MLLT1: variants seen among roughly 807,000 people sequenced by gnomAD.
The protein encoded by MLLT1 is MLLT1 super elongation complex subunit.
Under a neutral mutation model 55.1 loss-of-function variants are expected in MLLT1, and 11 were observed. The observed-to-expected ratio is 0.20, with a 90% CI of 0.13 to 0.33. The LOEUF (loss-of-function observed/expected upper bound fraction) is 0.33, where lower values mean the gene tolerates loss of function less well. Among genes scored for constraint, MLLT1 ranks in the 10% least tolerant of loss-of-function variants. MLLT1 has a pLI of 1.00. For synonymous variants in MLLT1, 323 were observed against 320.1 expected (o/e 1.01, Z -0.10); for missense variants, 536 against 760.6 (o/e 0.70, Z 3.47).
rs556874964 is a variant in MLLT1, at chr19:6,273,103, G to A, written c.13-2344C>T. Among the ~76,000 whole-genome samples the A allele has an allele frequency of 5.9e-5, 9 of 152,170 alleles. No homozygotes were observed. Among genetic ancestry groups the A allele is most frequent in the East Asian group, 1.9e-4 (1 of 5,170 alleles). ...TGCAGGGGGTGCCTGGGATCAGGCC[G>A]GAGACAAAAGAAATAACCCGTCGTC... On this transcript the variant is annotated intron_variant, in intron 1 of 11. Transcript: ENST00000252674. The surrounding 1 kb of genome is among the most constrained non-coding windows in gnomAD (Gnocchi z 4.3).
In MLLT1 at chr19:6,229,417, T is replaced by A. The variant is rs147561517; in HGVS notation, c.420+1153A>T. Among the ~76,000 whole-genome samples, 2,703 of 151,802 alleles carry A rather than the reference T, an allele frequency of 0.018. 38 individuals are homozygous for A. Among genetic ancestry groups the A allele is most frequent in the Middle Eastern group, 0.051 (15 of 294 alleles). On this transcript the variant is annotated intron_variant, in intron 4 of 11. Transcript: ENST00000252674. This position sits in a 1 kb window ranked among gnomAD's most constrained non-coding sequence, Gnocchi z 5.2. Reference sequence around the variant, plus strand: ...CCACCAAGGACCTGACCATGCCCCATGAGGAGGAAGGAGGACTCCCCAGCC... The same window carrying A: ...CCACCAAGGACCTGACCATGCCCCAAGAGGAGGAAGGAGGACTCCCCAGCC...
intron 3 of MLLT1, among the ~76,000 whole-genome samples, chr19:6,261,028 C>T (rs2091300296): frequency 6.6e-6 from 1 of 152,224 alleles, no homozygotes; most frequent in Admixed American, 6.5e-5. Flanking sequence ...GAGCAATCCC[C>T]TCAACCGCCC....
intron 5 of MLLT1, among the ~76,000 whole-genome samples, chr19:6,224,552 C>G (rs117908750): frequency 0.017 from 2,659 of 152,346 alleles, 39 homozygotes; most frequent in Middle Eastern, 0.051. Context: ...AGAGCAAACT[C>G]CAAAGGCACG....
intron 3 of MLLT1, among the ~76,000 whole-genome samples, chr19:6,241,345 C>T (rs1337234789): frequency 6.6e-6 from 1 of 152,254 alleles, no homozygotes. Flanking sequence ...CCCTAGCACC[C>T]CCGCTGGACA....
rs1245759049 is a variant in MLLT1 at position 6,235,932 on chromosome 19, T to C, written c.277-5219A>G. Among the ~76,000 whole-genome samples the C allele has an allele frequency of 6.7e-5, 10 of 149,762 alleles. No individual in the cohort carries two copies. Among genetic ancestry groups the C allele is most frequent in the Admixed American group, 6.6e-4 (10 of 15,084 alleles). ...TCCCCAGGCACAGAGCACAGCTCACTCTCTGCCAGCTCTCCTTACAGTCCA... is the reference window on the plus strand; with the variant it reads ...TCCCCAGGCACAGAGCACAGCTCACCCTCTGCCAGCTCTCCTTACAGTCCA... On this transcript the variant is annotated intron_variant, in intron 3 of 11. Coordinates refer to ENST00000252674, the MANE Select transcript of MLLT1 (RefSeq NM_005934.4). This position sits in a 1 kb window ranked among gnomAD's most constrained non-coding sequence, Gnocchi z 5.5.
chr19:6,275,920 G>A (rs2091425585), intron 1 of MLLT1, among the ~76,000 whole-genome samples: 1 of 152,226 alleles, frequency 6.6e-6, no homozygotes, highest in African/African-American at 2.4e-5. Flanking sequence ...TGTAGACAGT[G>A]TACCGGCTAT....
intron 3 of MLLT1, among the ~76,000 whole-genome samples, chr19:6,250,689 GT>G (rs2091205485): frequency 6.6e-6 from 1 of 152,086 alleles, no homozygotes; most frequent in African/African-American, 2.4e-5. Context: ...AATGCTTTCT[GT>G]TTGTGGTTGG....
intron 1 of MLLT1, among the ~76,000 whole-genome samples, chr19:6,277,419 T>C (rs2091433406): frequency 6.6e-6 from 1 of 152,212 alleles, no homozygotes; most frequent in South Asian, 2.1e-4. Flanking sequence ...AGTAGCTCAG[T>C]AGCTCAGTAA....
chr19:6,266,496 A>G (rs902500196), intron 2 of MLLT1, among the ~76,000 whole-genome samples: 11 of 152,046 alleles, frequency 7.2e-5, no homozygotes, highest in African/African-American at 2.7e-4. Context: ...TCTCTCTGTC[A>G]CCCAGGCTGG....
chr19:6,233,274 C>T lies in MLLT1; in HGVS notation c.277-2561G>A, dbSNP rs113003478. Among the ~76,000 whole-genome samples the T allele has an allele frequency of 4.0e-3, 611 of 152,310 alleles. 2 individuals carry two copies. Among genetic ancestry groups the T allele is most frequent in the Middle Eastern group, 0.01 (3 of 294 alleles). On this transcript the variant is annotated intron_variant, in intron 3 of 11. Coordinates refer to ENST00000252674, the MANE Select transcript of MLLT1 (RefSeq NM_005934.4). ...ACACAGTTGGCAGCGGCAGCTCCTG[C>T]GGCCGCCCAGGAGTCCCAAGTGCAC...
At chr19:6,252,187 G>A (rs1023434828) in intron 3 of MLLT1, among the ~76,000 whole-genome samples, 41 of 152,178 alleles carry the variant, frequency 2.7e-4, no homozygotes, top group African/African-American at 8.7e-4. Flanking sequence ...CTCTCCATCT[G>A]CCTCTCTCCC....
rs568848926 is a variant in MLLT1, at chr19:6,262,104, A to C, written c.276+124T>G. 8 of 741,310 alleles carry C rather than the reference A, an allele frequency of 1.1e-5. No homozygotes were observed. The highest frequency in any genetic ancestry group is 1.9e-5 in the Non-Finnish European group (8 of 423,870). 45.9% of individuals were successfully genotyped at this position (741,310 alleles called of 1,614,324 possible). On this transcript the variant is annotated intron_variant, in intron 3 of 11. Coordinates refer to ENST00000252674, the MANE Select transcript of MLLT1 (RefSeq NM_005934.4). This position sits in a 1 kb window ranked among gnomAD's most constrained non-coding sequence, Gnocchi z 4.4. ...GATGGTGACCAGCACCCCCCGCAGC[A>C]CTCACTGGAATGTCTGTGCATGGGC...
In MLLT1 at chr19:6,270,816, G is replaced by C; in HGVS notation, c.13-57C>G. The stretch of plus-strand genomic sequence containing the variant: ...AGCACACGCCTCCAAGCAGGGGACT[G>C]TCCCCTTACCCACAGAGAACTTTCG... On this transcript the variant is annotated intron_variant, in intron 1 of 11. Coordinates refer to ENST00000252674, the MANE Select transcript of MLLT1 (RefSeq NM_005934.4). This position sits in a 1 kb window ranked among gnomAD's most constrained non-coding sequence, Gnocchi z 7.1. The C allele has an allele frequency of 6.6e-7, 1 of 1,511,716 alleles. No individual in the cohort carries two copies. The highest frequency in any genetic ancestry group is 8.9e-7 in the Non-Finnish European group (1 of 1,117,724). 93.6% of individuals were successfully genotyped at this position (1,511,716 alleles called of 1,614,324 possible). A position where few individuals can be genotyped will look rare whatever the true frequency, so the allele number is the denominator to read the frequency against.
At position 6,218,623 on chromosome 19, in the gene MLLT1, G is replaced by A. The variant is rs115833128; in HGVS notation, c.1111-582C>T. ...GCCATGGGCAAGCCCGGCCCCACCC[G>A]CCTCCTCCTCCTGCAGCTGTCCTTC... On this transcript the variant is annotated intron_variant, in intron 6 of 11. Coordinates refer to ENST00000252674, the MANE Select transcript of MLLT1 (RefSeq NM_005934.4). Among the ~76,000 whole-genome samples, 1,185 of 152,108 alleles carry A rather than the reference G, an allele frequency of 7.8e-3. 18 individuals carry two copies. The highest frequency in any genetic ancestry group is 0.027 in the African/African-American group (1,109 of 41,510).
intron 8 of MLLT1, among the ~76,000 whole-genome samples, chr19:6,216,080 C>T (rs542572199): frequency 6.6e-6 from 1 of 152,140 alleles, no homozygotes; most frequent in South Asian, 2.1e-4. Flanking sequence ...CCCCTCCCCC[C>T]ACCTCCAGCC....
chr19:6,254,213 T>C (rs369923678), intron 3 of MLLT1, among the ~76,000 whole-genome samples: 2 of 152,156 alleles, frequency 1.3e-5, no homozygotes, highest in Non-Finnish European at 2.9e-5. Flanking sequence ...GCCCACACAA[T>C]GGAGTCTCCA....
chr19:6,241,016 TG>T (rs2144898403), intron 3 of MLLT1, among the ~76,000 whole-genome samples: 1 of 152,296 alleles, frequency 6.6e-6, no homozygotes, highest in East Asian at 1.9e-4. Flanking sequence ...CGTAAACACC[TG>T]TAAAATGGCA....
chr19:6,262,432 G>A lies in MLLT1; in HGVS notation c.194-122C>T. The A allele has an allele frequency of 2.7e-6, 2 of 750,416 alleles. No homozygotes were observed. Among genetic ancestry groups the A allele is most frequent in the South Asian group, 3.4e-5 (2 of 58,840 alleles). The allele number at this position is 750,416 out of a possible 1,614,324, so 46.5% of individuals were successfully genotyped here. ...TCACAGGGGCTTGGCTGGCCTCTCGGGGGTGGCTTTTCAGGAGGTTAAGCC... is the reference window on the plus strand; with the variant it reads ...TCACAGGGGCTTGGCTGGCCTCTCGAGGGTGGCTTTTCAGGAGGTTAAGCC... On this transcript the variant is annotated intron_variant, in intron 2 of 11. Coordinates refer to ENST00000252674, the MANE Select transcript of MLLT1 (RefSeq NM_005934.4). The surrounding 1 kb of genome is among the most constrained non-coding windows in gnomAD (Gnocchi z 4.4).
Position 6,235,252 on chromosome 19 carries a change from C to T in MLLT1, c.277-4539G>A, listed in dbSNP as rs772280660. Among the ~76,000 whole-genome samples, 1 of 152,206 alleles carries T rather than the reference C, an allele frequency of 6.6e-6. No individual in the cohort carries two copies. The highest frequency in any genetic ancestry group is 1.5e-5 in the Non-Finnish European group (1 of 68,042). Reference sequence around the variant, plus strand: ...TTCTGAGTGGACGCTGGCAGCACGGCTGTGCAGAGGATGAACGTGGCTGGG... The same window carrying T: ...TTCTGAGTGGACGCTGGCAGCACGGTTGTGCAGAGGATGAACGTGGCTGGG... On this transcript the variant is annotated intron_variant, in intron 3 of 11. Coordinates refer to ENST00000252674, the MANE Select transcript of MLLT1 (RefSeq NM_005934.4). This position sits in a 1 kb window ranked among gnomAD's most constrained non-coding sequence, Gnocchi z 5.5.
Sources: allele counts gnomAD v4.1 joint callset (sites outside exome capture counted in the v4.1 genomes callset), GRCh38; gene constraint gnomAD v4.1.1; non-coding constraint Gnocchi (gnomAD v3.1); transcripts MANE v1.5; gene names NCBI Gene and HGNC (gene_info 2026-07-23, HGNC 2026-07-21).